Variants in SEMA6A observed in about 807,000 individuals in gnomAD.
The protein encoded by SEMA6A is semaphorin 6A, also known as semaphorin-6A.
In SEMA6A, 25 loss-of-function variants were observed where a neutral mutation model predicts 96.8. That is an observed-to-expected ratio of 0.26 (90% confidence interval 0.19 to 0.36). The LOEUF (loss-of-function observed/expected upper bound fraction) is 0.36, where lower values mean the gene tolerates loss of function less well. Ranked by LOEUF, SEMA6A falls within the 10% of genes least tolerant of loss-of-function variation. The probability of loss-of-function intolerance (pLI) is 1.00; values close to 1 mark genes in which losing one functional copy is unlikely to be tolerated. For missense variants in SEMA6A, 1,363 were observed against 1,323.1 expected (o/e 1.03, Z -0.47); for synonymous variants, 612 against 518.0 (o/e 1.18, Z -2.46).
chr5:116,543,127 A>G (rs1412768356), intron 1 of SEMA6A, among the ~76,000 whole-genome samples: 2 of 152,096 alleles, frequency 1.3e-5, no homozygotes, highest in Non-Finnish European at 2.9e-5. Flanking sequence ...TATGGGAGGG[A>G]TGATTGGTTT....
At chr5:116,512,143 G>C (rs1038213199) in intron 1 of SEMA6A, among the ~76,000 whole-genome samples, 13 of 152,198 alleles carry the variant, frequency 8.5e-5, no homozygotes, top group African/African-American at 2.9e-4. Flanking sequence ...AGCATTAAGA[G>C]GGTGCTGCTG....
Position 116,551,271 on chromosome 5 carries a change from G to A in SEMA6A, c.-39+22914C>T, listed in dbSNP as rs921819266. 1.3e-4 allele frequency among the ~76,000 whole-genome samples: 19 copies of A among 149,722 alleles called. No individual in the cohort carries two copies. The East Asian group carries it at 2.5e-3, about 19-fold the overall frequency. On this transcript the variant is annotated intron_variant, in intron 1 of 18. Coordinates refer to ENST00000343348, the MANE Select transcript of SEMA6A (RefSeq NM_020796.5). ...AACGTAGGCAATAACAGCCAAATATGCCCGTGTTACAAGTGTAGAATCAAT... is the reference window on the plus strand; with the variant it reads ...AACGTAGGCAATAACAGCCAAATATACCCGTGTTACAAGTGTAGAATCAAT...
chr5:116,553,113 ATAT>A (rs1760482760), intron 1 of SEMA6A, among the ~76,000 whole-genome samples: 2 of 152,356 alleles, frequency 1.3e-5, no homozygotes, highest in Admixed American at 6.5e-5. Flanking sequence ...CACATACAAT[ATAT>A]TATTATTAGA....
intron 18 of SEMA6A, among the ~76,000 whole-genome samples, chr5:116,454,822 G>A (rs535963079): frequency 1.1e-4 from 17 of 151,960 alleles, no homozygotes; most frequent in Middle Eastern, 3.4e-3. Context: ...ATGTGTGTGT[G>A]CGCGTGTGTG....
At chr5:116,534,294 T>G (rs1759617423) in intron 1 of SEMA6A, among the ~76,000 whole-genome samples, 1 of 152,186 alleles carries the variant, frequency 6.6e-6, no homozygotes, top group African/African-American at 2.4e-5. Flanking sequence ...GAAATTCACA[T>G]GTGTGCAGCA....
chr5:116,525,902 G>A (rs946374331), intron 1 of SEMA6A, among the ~76,000 whole-genome samples: 4 of 152,162 alleles, frequency 2.6e-5, no homozygotes, highest in Admixed American at 1.3e-4. Context: ...ACTGTTTCAG[G>A]TGCTGTGGCC....
chr5:116,497,068 T>G lies in SEMA6A; in HGVS notation c.279+259A>C, dbSNP rs114507104. ...CTGGATAAATGAGGCAATATTTTTATAAAAGAAATGTAGAAATTATGTAAA... is the reference window on the plus strand; with the variant it reads ...CTGGATAAATGAGGCAATATTTTTAGAAAAGAAATGTAGAAATTATGTAAA... On this transcript the variant is annotated intron_variant, in intron 4 of 18. Transcript: ENST00000343348. Among the ~76,000 whole-genome samples the G allele has an allele frequency of 5.6e-3, 846 of 152,350 alleles. 8 individuals are homozygous for G. Among genetic ancestry groups the G allele is most frequent in the African/African-American group, 0.019 (804 of 41,588 alleles).
Position 116,504,963 on chromosome 5 carries a change from CTT to C in SEMA6A, c.-21_-20del. 1 of 1,524,568 alleles carries C rather than the reference CTT, an allele frequency of 6.6e-7. No individual in the cohort carries two copies. The highest frequency in any genetic ancestry group is 9.0e-7 in the Non-Finnish European group (1 of 1,116,542). 94.4% of individuals were successfully genotyped at this position (1,524,568 alleles called of 1,614,324 possible). A position where few individuals can be genotyped will look rare whatever the true frequency, so the allele number is the denominator to read the frequency against. ...ACCTCATAGTAGTTCAGCGGGGAGA[CTT>C]TATTTCTCTACTTCACCCTGCCAAA... is the stretch of plus-strand genomic sequence containing the variant. On this transcript the variant is annotated 5_prime_UTR_variant, in exon 2 of 19. Transcript: ENST00000343348.
intron 1 of SEMA6A, among the ~76,000 whole-genome samples, chr5:116,551,328 A>ACG (rs1339613737): frequency 1.4e-5 from 2 of 147,632 alleles, no homozygotes; most frequent in African/African-American, 4.9e-5. Context: ...ACACACACAC[A>ACG]CACACACACA....
chr5:116,525,322 G>A (rs1759173567), intron 1 of SEMA6A, among the ~76,000 whole-genome samples: 1 of 152,004 alleles, frequency 6.6e-6, no homozygotes, highest in Non-Finnish European at 1.5e-5. Context: ...CTCTAAAGTG[G>A]GATAATGATG....
At position 116,511,171 on chromosome 5, in the gene SEMA6A, T is replaced by C. The variant is rs531461405; in HGVS notation, c.-38-6189A>G. Among the ~76,000 whole-genome samples, 3 of 152,342 alleles carry C rather than the reference T, an allele frequency of 2.0e-5. No homozygotes were observed. In the East Asian group the frequency reaches 5.8e-4, roughly 29 times the overall value. On this transcript the variant is annotated intron_variant, in intron 1 of 18. Transcript: ENST00000343348. ...TGAATAAAATGATATAGTTTTTGTA[T>C]GTAACCTATACACATCCTCCTGTAT...
chr5:116,494,480 A>G (rs1757481630), intron 6 of SEMA6A, among the ~76,000 whole-genome samples: 2 of 152,148 alleles, frequency 1.3e-5, no homozygotes, highest in African/African-American at 4.8e-5. Context: ...TGTGTTCCCG[A>G]TGTGGGAACA....
In SEMA6A at chr5:116,502,193, G is replaced by T; in HGVS notation, c.218+17C>A. ...TTTGGACACTCTCAAGGCAGACATG[G>T]GGAAAAGGCCCCTTACCTAGCAGCA... On this transcript the variant is annotated intron_variant, in intron 3 of 18. Coordinates refer to ENST00000343348, the MANE Select transcript of SEMA6A (RefSeq NM_020796.5). 1.2e-6 allele frequency: 2 copies of T among 1,604,056 alleles called. No individual in the cohort carries two copies. Among genetic ancestry groups the T allele is most frequent in the Non-Finnish European group, 8.5e-7 (1 of 1,170,888 alleles).
chr5:116,514,070 A>G (rs1436197581), intron 1 of SEMA6A, among the ~76,000 whole-genome samples: 7 of 152,168 alleles, frequency 4.6e-5, no homozygotes, highest in Admixed American at 1.3e-4. Flanking sequence ...GCTATTGTGA[A>G]CAATAGCAGT....
chr5:116,478,339 C>A (rs182024854), intron 13 of SEMA6A, 185 bp from the exon 14 acceptor site: 11 of 759,378 alleles, frequency 1.4e-5, no homozygotes, highest in South Asian at 1.9e-5. Context: ...TAAACACACA[C>A]ACATATATGT....
chr5:116,453,744 G>GC (rs1480766348), intron 18 of SEMA6A, among the ~76,000 whole-genome samples: 1 of 152,114 alleles, frequency 6.6e-6, no homozygotes, highest in African/African-American at 2.4e-5. Flanking sequence ...CAGTATCATT[G>GC]CATCAAAAGC....
At chr5:116,470,294 C>T (rs1756040380) in intron 17 of SEMA6A, among the ~76,000 whole-genome samples, 1 of 151,972 alleles carries the variant, frequency 6.6e-6, no homozygotes, top group African/African-American at 2.4e-5. Flanking sequence ...ACTTTGCAAC[C>T]AAAATAATGC....
chr5:116,555,288 A>G (rs905210657), intron 1 of SEMA6A, among the ~76,000 whole-genome samples: 22 of 152,088 alleles, frequency 1.4e-4, no homozygotes, highest in African/African-American at 5.3e-4. Flanking sequence ...GACTCACCCA[A>G]CTTCTTTTCT....
intron 1 of SEMA6A, among the ~76,000 whole-genome samples, chr5:116,566,238 C>T (rs75892925): frequency 1.3e-5 from 2 of 152,218 alleles, no homozygotes; most frequent in Admixed American, 6.5e-5. Context: ...CTAAGAAAGG[C>T]GTAAACAGCA....
Sources: allele counts gnomAD v4.1 joint callset (sites outside exome capture counted in the v4.1 genomes callset), GRCh38; gene constraint gnomAD v4.1.1; transcripts MANE v1.5; gene names NCBI Gene and HGNC (gene_info 2026-07-23, HGNC 2026-07-21).